The following GRM1 variants were observed in gnomAD, a reference collection of about 807,000 sequenced individuals.
GRM1 encodes the protein metabotropic glutamate receptor 1.
GRM1 carries 33 observed loss-of-function variants against 90.9 expected under a neutral mutation model. That is an observed-to-expected ratio of 0.36 (90% CI 0.28 to 0.49). The LOEUF is 0.49. Ranked by LOEUF, GRM1 falls within the 20% of genes least tolerant of loss-of-function variation. The pLI is 0.99. For missense variants in GRM1, 1,190 were observed against 1,534.3 expected (o/e 0.78, Z 3.75); for synonymous variants, 700 against 613.2 (o/e 1.14, Z -2.09).
chr6:146,113,733 T>C (rs1426762050), intron 1 of GRM1, among the ~76,000 whole-genome samples: 1 of 152,216 alleles, frequency 6.6e-6, no homozygotes, highest in Admixed American at 6.5e-5. Context: ...AAACAAATTA[T>C]ACTTTTCAGA....
chr6:146,175,081 A>G (rs978549665), intron 2 of GRM1, among the ~76,000 whole-genome samples: 113 of 152,288 alleles, frequency 7.4e-4, no homozygotes, highest in African/African-American at 2.7e-3. Flanking sequence ...GCCATATTCT[A>G]TTCATTAGAA....
intron 1 of GRM1, among the ~76,000 whole-genome samples, chr6:146,116,558 C>T (rs972821582): frequency 6.6e-6 from 1 of 152,092 alleles, no homozygotes; most frequent in Non-Finnish European, 1.5e-5. Context: ...ATAAAATCCA[C>T]AGTGAATTGA....
intron 2 of GRM1, among the ~76,000 whole-genome samples, chr6:146,206,076 GC>G (rs1418565331): frequency 7.9e-5 from 12 of 152,156 alleles, no homozygotes; most frequent in Admixed American, 7.9e-4. Flanking sequence ...GGGGACATCT[GC>G]CAAGCATGGT....
chr6:146,426,478 G>A, intron 7 of GRM1: 1 of 1,308,802 alleles, frequency 7.6e-7, no homozygotes, highest in Non-Finnish European at 1.1e-6. Context: ...GCCAGGCACT[G>A]CCTGAGTGGT....
At chr6:146,432,771 C>T (rs2114693803) in intron 7 of GRM1, among the ~76,000 whole-genome samples, 1 of 152,308 alleles carries the variant, frequency 6.6e-6, no homozygotes, top group African/African-American at 2.4e-5. Context: ...TAAAGTTATA[C>T]AGAAAAGAAG....
In GRM1 at chr6:146,399,699, A is replaced by G. The variant is rs2114585497; in HGVS notation, c.2660A>G (p.Asn887Ser). The change falls in exon 7 of 8, where the codon AAT becomes AGT. Residue 887 changes from asparagine to serine, a missense_variant and splice_region_variant. Physicochemically the swap from Asn to Ser is conservative, Grantham distance 46. Transcript: ENST00000282753. The surrounding 1 kb of genome is among the most constrained non-coding windows in gnomAD (Gnocchi z 5.4). ...AAGAAGGCAGGGGCAGGGAATGCCA[A>G]GTGAGTTATCTGACCTGTTTGTCTC... ...RRKKAGAGNA[N>S]SNGKSVSWSE... is the part of the protein sequence containing the mutation. 6.3e-7 allele frequency: 1 copy of G among 1,599,814 alleles called. No individual in the cohort carries two copies. Among genetic ancestry groups the G allele is most frequent in the East Asian group, 2.2e-5 (1 of 44,820 alleles).
chr6:146,265,696 A>C (rs938053170), intron 2 of GRM1, among the ~76,000 whole-genome samples: 7 of 152,112 alleles, frequency 4.6e-5, no homozygotes, highest in Admixed American at 4.6e-4. Flanking sequence ...ATCTTGAGTT[A>C]GTTTTTGTAT....
intron 5 of GRM1, among the ~76,000 whole-genome samples, chr6:146,359,000 T>C (rs1583382043): frequency 6.6e-6 from 1 of 152,330 alleles, no homozygotes; most frequent in African/African-American, 2.4e-5. Context: ...CCTCATGCCA[T>C]GGCTATGGTA....
chr6:146,384,984 G>A (rs946259058), intron 5 of GRM1, among the ~76,000 whole-genome samples: 3 of 151,962 alleles, frequency 2.0e-5, no homozygotes, highest in Non-Finnish European at 4.4e-5. Context: ...TAAAAGAAAT[G>A]AGCAAACTCT....
chr6:146,288,407 G>T (rs905564162), intron 2 of GRM1, among the ~76,000 whole-genome samples: 1 of 152,162 alleles, frequency 6.6e-6, no homozygotes, highest in African/African-American at 2.4e-5. Context: ...TTTAGCTAAG[G>T]TGACTTCCAA....
At chr6:146,374,329 C>CT (rs1336662411) in intron 5 of GRM1, among the ~76,000 whole-genome samples, 2 of 151,888 alleles carry the variant, frequency 1.3e-5, no homozygotes, top group Non-Finnish European at 2.9e-5. Context: ...TGTAGTTATA[C>CT]TTTTTTGATG....
In GRM1 at chr6:146,399,769, C is replaced by G; in HGVS notation, c.2660+70C>G. 2 of 1,052,458 alleles carry G rather than the reference C, an allele frequency of 1.9e-6. No homozygotes were observed. The highest frequency in any genetic ancestry group is 2.8e-6 in the Non-Finnish European group (2 of 706,284). The allele number at this position is 1,052,458 out of a possible 1,614,324, so 65.2% of individuals were successfully genotyped here. A position where few individuals can be genotyped will look rare whatever the true frequency, so the allele number is the denominator to read the frequency against. ...TGTCTCTTTCTCTCTCTCTCTCTCT[C>G]TCTCTTTCTCTGTCTCTCATATCTT... On this transcript the variant is annotated intron_variant, in intron 7 of 7. Transcript: ENST00000282753. The surrounding 1 kb of genome is among the most constrained non-coding windows in gnomAD (Gnocchi z 5.4).
chr6:146,359,837 C>T (rs185323239), intron 5 of GRM1, among the ~76,000 whole-genome samples: 1 of 152,270 alleles, frequency 6.6e-6, no homozygotes, highest in African/African-American at 2.4e-5. Flanking sequence ...AGAGCATTCA[C>T]TATAAATGCA....
chr6:146,140,090 A>ATTCTTTTTCTTTCT (rs1554272172), intron 1 of GRM1, among the ~76,000 whole-genome samples: 2 of 57,838 alleles, frequency 3.5e-5, no homozygotes, highest in Admixed American at 4.9e-4. Flanking sequence ...TTCTTTCTTT[A>ATTCTTTTTCTTTCT]TTCTTTCTTT....
At position 146,386,944 on chromosome 6, in the gene GRM1, A is replaced by C. The variant is rs1219466070; in HGVS notation, c.1657A>C (p.Asn553His). The change falls in exon 6 of 8, where the codon AAT becomes CAT. Residue 553 changes from asparagine (N) to histidine (H), a missense_variant. By Grantham distance (68) the Asn-to-His change is moderately conservative (BLOSUM62 1). This residue lies in a region of GRM1 where 414 missense variants were observed against 598.4 expected (regional missense o/e 0.69). Coordinates refer to ENST00000282753, the MANE Select transcript of GRM1 (RefSeq NM_001278064.2). ...CTGGATTTGCACGGCCTGCAAAGAGAATGAATATGTGCAAGATGAGTTCAC... is the reference window on the plus strand; with the variant it reads ...CTGGATTTGCACGGCCTGCAAAGAGCATGAATATGTGCAAGATGAGTTCAC... ...CCWICTACKE[N>H]EYVQDEFTCK... The C allele has an allele frequency of 6.2e-7, 1 of 1,612,250 alleles. No individual in the cohort carries two copies. Among genetic ancestry groups the C allele is most frequent in the East Asian group, 2.2e-5 (1 of 44,858 alleles).
chr6:146,052,542 C>T (rs568563030), intron 1 of GRM1, among the ~76,000 whole-genome samples: 4 of 151,932 alleles, frequency 2.6e-5, no homozygotes, highest in South Asian at 4.2e-4. Context: ...GTGAGTCTGC[C>T]TAGTATCATC....
chr6:146,231,793 A>G (rs1466946272), intron 2 of GRM1, among the ~76,000 whole-genome samples: 3 of 152,004 alleles, frequency 2.0e-5, no homozygotes, highest in African/African-American at 7.2e-5. Flanking sequence ...TATTATTTGT[A>G]TATATTATTG....
At chr6:146,146,210 T>A (rs373894961) in intron 1 of GRM1, among the ~76,000 whole-genome samples, 17 of 134,550 alleles carry the variant, frequency 1.3e-4, no homozygotes, top group African/African-American at 3.0e-4. Flanking sequence ...TGCCTCAGCC[T>A]CCCTAGTAGC....
At chr6:146,289,287 T>G (rs145062205) in intron 2 of GRM1, among the ~76,000 whole-genome samples, 2 of 152,134 alleles carry the variant, frequency 1.3e-5, no homozygotes, top group East Asian at 3.9e-4. Context: ...CTTGGTGCTG[T>G]GTAAACCTAG....
Sources: gnomAD v4.1 joint callset for allele counts (sites outside exome capture counted in the v4.1 genomes callset) on GRCh38, gnomAD v4.1.1 for gene constraint, gnomAD v4.1.1 regional missense constraint, Gnocchi (gnomAD v3.1) non-coding constraint, MANE v1.5 for transcripts, NCBI Gene and HGNC (gene_info 2026-07-23, HGNC 2026-07-21) for gene names.